SOCS2: variants seen among roughly 807,000 people sequenced by gnomAD.
SOCS2 encodes the protein suppressor of cytokine signaling 2.
SOCS2 carries 10 observed loss-of-function variants against 18.6 expected under a neutral mutation model. The ratio of observed to expected loss-of-function variants is 0.54; its 90% CI spans 0.33 to 0.91. The LOEUF (loss-of-function observed/expected upper bound fraction) is 0.91. Ranked by LOEUF, SOCS2 falls within the 40% of genes least tolerant of loss-of-function variation. SOCS2 has a pLI of 0.02. For synonymous variants in SOCS2, 104 were observed against 104.0 expected (o/e 1.00, Z 0.00); for missense variants, 231 against 247.2 (o/e 0.93, Z 0.44).
the SOCS2 span, among the ~76,000 whole-genome samples, chr12:93,597,082 C>T: frequency 6.6e-5 from 10 of 152,142 alleles, no homozygotes; most frequent in Non-Finnish European, 1.0e-4. Flanking sequence ...CCCAGTTTCC[C>T]CCCAGTGGTT....
At chr12:93,614,547 CTTTCTTTCT>C in the SOCS2 span, among the ~76,000 whole-genome samples, 13 of 25,566 alleles carry the variant, frequency 5.1e-4, no homozygotes, top group Admixed American at 9.8e-4. Context: ...TTCCTTCTTT[CTTTCTTTCT>C]TTCTTTCTTT....
the SOCS2 span, among the ~76,000 whole-genome samples, chr12:93,612,413 G>A: frequency 3.3e-5 from 5 of 151,974 alleles, no homozygotes; most frequent in African/African-American, 1.2e-4. Flanking sequence ...TCTACACTGA[G>A]GACAACACTG....
At chr12:93,607,387 T>C in the SOCS2 span, among the ~76,000 whole-genome samples, 1 of 152,176 alleles carries the variant, frequency 6.6e-6, no homozygotes, top group African/African-American at 2.4e-5. Flanking sequence ...TTCCAAGAGA[T>C]GGCATGTGCT....
the SOCS2 span, among the ~76,000 whole-genome samples, chr12:93,619,388 C>G: frequency 0.011 from 1,619 of 152,236 alleles, 22 homozygotes; most frequent in Non-Finnish European, 0.018. Context: ...AGGGCAGGAT[C>G]GGAGCAAACA....
the SOCS2 span, among the ~76,000 whole-genome samples, chr12:93,589,033 A>G: frequency 2.0e-5 from 3 of 152,226 alleles, no homozygotes; most frequent in Non-Finnish European, 4.4e-5. Context: ...TATGCTTGCC[A>G]CATGTGTTCC....
chr12:93,571,934 G>A (rs1335196604), upstream of SOCS2: 1 of 398,370 alleles, frequency 2.5e-6, no homozygotes, highest in African/African-American at 2.2e-5. Flanking sequence ...CGGCGTTGGT[G>A]GTTTGCATTT....
the SOCS2 span, among the ~76,000 whole-genome samples, chr12:93,594,947 G>A: frequency 6.6e-6 from 1 of 152,226 alleles, no homozygotes; most frequent in Non-Finnish European, 1.5e-5. Context: ...AATTCCTCTT[G>A]TCAGCAATAC....
chr12:93,608,000 CTTTTTTTTT>C, the SOCS2 span, among the ~76,000 whole-genome samples: 9 of 124,462 alleles, frequency 7.2e-5, no homozygotes, highest in South Asian at 2.3e-3. Flanking sequence ...GACTGTAAAT[CTTTTTTTTT>C]TTTTTTTTTT....
the SOCS2 span, among the ~76,000 whole-genome samples, chr12:93,605,221 G>T: frequency 6.6e-6 from 1 of 152,152 alleles, no homozygotes; most frequent in South Asian, 2.1e-4. Flanking sequence ...AGTTGTTGCG[G>T]CTTGTCTTTA....
the SOCS2 span, among the ~76,000 whole-genome samples, chr12:93,597,788 T>C: frequency 6.6e-6 from 1 of 152,212 alleles, no homozygotes. Flanking sequence ...ATCTTTGTCC[T>C]ACTTTTTGAC....
At chr12:93,592,360 G>A in the SOCS2 span, among the ~76,000 whole-genome samples, 5 of 152,144 alleles carry the variant, frequency 3.3e-5, no homozygotes, top group Non-Finnish European at 7.4e-5. Context: ...TGATATGAAT[G>A]TACCATTACT....
the SOCS2 span, among the ~76,000 whole-genome samples, chr12:93,614,488 C>CTTTCT: frequency 4.2e-4 from 12 of 28,684 alleles, 3 homozygotes; most frequent in East Asian, 3.9e-3. Context: ...CCTTTCCTTC[C>CTTTCT]TTCCTTCCTT....
At chr12:93,606,935 G>T in the SOCS2 span, among the ~76,000 whole-genome samples, 2 of 152,184 alleles carry the variant, frequency 1.3e-5, no homozygotes, top group African/African-American at 4.8e-5. Flanking sequence ...TTACAGGCGT[G>T]AGCTACCACA....
the SOCS2 span, among the ~76,000 whole-genome samples, chr12:93,624,582 A>AAC: frequency 3.3e-5 from 5 of 149,782 alleles, no homozygotes; most frequent in Middle Eastern, 3.5e-3. Flanking sequence ...AAAAAAAAAA[A>AAC]ATCTATTATG....
At chr12:93,573,070 G>T (rs1238674361) in intron 1 of SOCS2, 34 bp downstream of exon 1, 2 of 1,548,636 alleles carry the variant, frequency 1.3e-6, no homozygotes, top group East Asian at 2.4e-5. Context: ...GCGTGCGGGA[G>T]GGAGCGCCTC....
chr12:93,603,549 TC>T, the SOCS2 span, among the ~76,000 whole-genome samples: 181 of 152,324 alleles, frequency 1.2e-3, no homozygotes, highest in African/African-American at 4.3e-3. Context: ...TGGTCCAGTT[TC>T]CTCAAAGCAC....
At chr12:93,577,784 C>G (rs975867594), downstream of SOCS2, among the ~76,000 whole-genome samples, 13 of 152,096 alleles carry the variant, frequency 8.5e-5, no homozygotes, top group Admixed American at 6.5e-5. Context: ...TGCAGGTGGG[C>G]GGGGAGGGGG....
chr12:93,616,436 A>G, the SOCS2 span, among the ~76,000 whole-genome samples: 1 of 152,208 alleles, frequency 6.6e-6, no homozygotes, highest in Non-Finnish European at 1.5e-5. Context: ...TGATCTCTGT[A>G]GGAGCTAATT....
chr12:93,579,690 A>G (rs1381181664), downstream of SOCS2, among the ~76,000 whole-genome samples: 1 of 152,152 alleles, frequency 6.6e-6, no homozygotes, highest in Non-Finnish European at 1.5e-5. Context: ...GCTTGAGTTC[A>G]GGTGACTATT....
Sources: allele counts gnomAD v4.1 joint callset (sites outside exome capture counted in the v4.1 genomes callset), GRCh38; gene constraint gnomAD v4.1.1; transcripts MANE v1.5; gene names NCBI Gene and HGNC (gene_info 2026-07-23, HGNC 2026-07-21).